The following FGD6 variants were observed in gnomAD, a reference collection of about 807,000 sequenced individuals.
The protein encoded by FGD6 is FYVE, RhoGEF and PH domain containing 6.
Under a neutral mutation model 149.4 loss-of-function variants are expected in FGD6, and 90 were observed. The ratio of observed to expected loss-of-function variants is 0.60; its 90% CI spans 0.51 to 0.72. The LOEUF (loss-of-function observed/expected upper bound fraction) is 0.72. Among genes scored for constraint, FGD6 ranks in the 30% least tolerant of loss-of-function variants. FGD6 has a pLI of 0.00. For synonymous variants in FGD6, 527 were observed against 584.0 expected (o/e 0.90, Z 1.41); for missense variants, 1,437 against 1,684.8 (o/e 0.85, Z 2.57).
chr12:95,216,394 ACT>A (rs775773034), intron 1 of FGD6, among the ~76,000 whole-genome samples: 1 of 152,076 alleles, frequency 6.6e-6, no homozygotes, highest in Non-Finnish European at 1.5e-5. Flanking sequence ...AACCCATAAC[ACT>A]CTACTTAATA....
intron 20 of FGD6, among the ~76,000 whole-genome samples, chr12:95,083,325 T>C (rs961529681): frequency 4.7e-5 from 7 of 150,212 alleles, no homozygotes; most frequent in Non-Finnish European, 1.0e-4. Context: ...CAATTCTAAA[T>C]TATAAGTAAA....
intron 14 of FGD6, chr12:95,101,045 T>C (rs1251604970): frequency 1.1e-5 from 3 of 285,230 alleles, no homozygotes; most frequent in Non-Finnish European, 2.1e-5. Flanking sequence ...AGAATGGAAA[T>C]AGTTATGTTG....
At chr12:95,137,469 G>A in intron 7 of FGD6, 53 bp downstream of exon 7, 3 of 1,385,996 alleles carry the variant, frequency 2.2e-6, no homozygotes, top group Non-Finnish European at 2.8e-6. Flanking sequence ...TGTTATTAAA[G>A]CTTCAACAAC....
intron 2 of FGD6, among the ~76,000 whole-genome samples, chr12:95,205,813 G>A (rs2056689906): frequency 6.6e-6 from 1 of 152,154 alleles, no homozygotes; most frequent in Non-Finnish European, 1.5e-5. Flanking sequence ...GATTCCTCTG[G>A]CACATTTTAG....
chr12:95,192,295 T>C (rs1881612936), intron 2 of FGD6, among the ~76,000 whole-genome samples: 1 of 152,082 alleles, frequency 6.6e-6, no homozygotes, highest in East Asian at 1.9e-4. Context: ...GTTAACAAAA[T>C]GTTATGATAG....
intron 8 of FGD6, among the ~76,000 whole-genome samples, chr12:95,129,645 A>ACT (rs937432091): frequency 5.7e-4 from 87 of 152,120 alleles, no homozygotes; most frequent in Non-Finnish European, 2.9e-5. Context: ...AGCCTGATAA[A>ACT]CTGGCCTTGA....
At position 95,148,673 on chromosome 12, in the gene FGD6, A is replaced by G. The variant is rs1592851834; in HGVS notation, c.2685+4138T>C. 3.6e-5 allele frequency among the ~76,000 whole-genome samples: 4 copies of G among 112,614 alleles called. 1 individual carries two copies. The East Asian group carries it at 9.3e-4, about 26-fold the overall frequency. The allele number at this position is 112,614 out of a possible 152,430, so 73.9% of individuals were successfully genotyped here. A position where few individuals can be genotyped will look rare whatever the true frequency, so the allele number is the denominator to read the frequency against. On this transcript the variant is annotated intron_variant, in intron 5 of 20. Coordinates refer to ENST00000343958, the MANE Select transcript of FGD6 (RefSeq NM_018351.4). ...TATTATATATTATATAATACATAGC[A>G]TATGTTATATTATATATATTATATA...
rs989915390 is a variant in FGD6, at chr12:95,141,447, A to C, written c.2778T>G (p.Pro926=). 1 of 1,614,168 alleles carries C rather than the reference A, an allele frequency of 6.2e-7. No individual in the cohort carries two copies. The highest frequency in any genetic ancestry group is 8.5e-7 in the Non-Finnish European group (1 of 1,180,036). ...GATCCCGGTTGAGCTCATACAGCTG[A>C]GGCAAGTAGTATAGGATCTGATTTA... ...RILNQILYYL[P]QLYELNRDLL... The change falls in exon 6 of 21, where the codon CCT becomes CCG. Residue 926 remains proline (P), a synonymous_variant. Coordinates refer to ENST00000343958, the MANE Select transcript of FGD6 (RefSeq NM_018351.4).
chr12:95,199,362 CACT>C (rs1881808611), intron 2 of FGD6, among the ~76,000 whole-genome samples: 1 of 152,134 alleles, frequency 6.6e-6, no homozygotes, highest in Non-Finnish European at 1.5e-5. Flanking sequence ...GTTAATTTCT[CACT>C]TTTTTCAAAC....
At chr12:95,171,328 C>A (rs1880981165) in intron 3 of FGD6, among the ~76,000 whole-genome samples, 1 of 152,170 alleles carries the variant, frequency 6.6e-6, no homozygotes, top group South Asian at 2.1e-4. Context: ...AATTATGGCA[C>A]ATGAATTTTC....
chr12:95,186,582 G>T (rs1264557668), intron 2 of FGD6, among the ~76,000 whole-genome samples: 3 of 149,032 alleles, frequency 2.0e-5, no homozygotes, highest in Admixed American at 1.3e-4. Flanking sequence ...TGTCCATAAT[G>T]AAGTTTTATT....
intron 18 of FGD6, among the ~76,000 whole-genome samples, chr12:95,088,474 A>C (rs1438092337): frequency 6.6e-6 from 1 of 152,232 alleles, no homozygotes; most frequent in African/African-American, 2.4e-5. Flanking sequence ...TAAAAAGAGG[A>C]GTTTCTAAAA....
intron 6 of FGD6, among the ~76,000 whole-genome samples, chr12:95,139,182 G>T (rs1399564427): frequency 6.6e-6 from 1 of 152,176 alleles, no homozygotes; most frequent in African/African-American, 2.4e-5. Flanking sequence ...GCTCATGCCT[G>T]TAATCCTAGC....
intron 5 of FGD6, among the ~76,000 whole-genome samples, chr12:95,145,601 A>G (rs1000371298): frequency 6.6e-6 from 1 of 152,048 alleles, no homozygotes; most frequent in African/African-American, 2.4e-5. Flanking sequence ...ATAAATTCCC[A>G]CTTGCCCGTA....
At chr12:95,194,570 A>G (rs1881688775) in intron 2 of FGD6, among the ~76,000 whole-genome samples, 1 of 143,270 alleles carries the variant, frequency 7.0e-6, no homozygotes, top group Admixed American at 6.9e-5. Context: ...ACAATCTGAA[A>G]TAGACTAGTG....
intron 3 of FGD6, among the ~76,000 whole-genome samples, chr12:95,163,772 A>T (rs928325485): frequency 2.6e-5 from 4 of 152,204 alleles, no homozygotes; most frequent in Non-Finnish European, 5.9e-5. Context: ...TCCATTGTCC[A>T]TTTTACCTTC....
At chr12:95,213,760 C>T (rs1205779976) in intron 1 of FGD6, among the ~76,000 whole-genome samples, 2 of 152,184 alleles carry the variant, frequency 1.3e-5, no homozygotes, top group East Asian at 1.9e-4. Flanking sequence ...CAATTAACTA[C>T]GTATGTGCTG....
chr12:95,180,549 C>T (rs764700353), intron 2 of FGD6, among the ~76,000 whole-genome samples: 12 of 151,822 alleles, frequency 7.9e-5, no homozygotes, highest in Non-Finnish European at 1.6e-4. Flanking sequence ...CGTGCCACCA[C>T]ACCTGGCTAA....
At chr12:95,145,341 G>A (rs1879980808) in intron 5 of FGD6, among the ~76,000 whole-genome samples, 1 of 152,106 alleles carries the variant, frequency 6.6e-6, no homozygotes, top group African/African-American at 2.4e-5. Context: ...TACTGGTCAG[G>A]TTCCTGAATC....
Sources: gnomAD v4.1 joint callset for allele counts (sites outside exome capture counted in the v4.1 genomes callset) on GRCh38, gnomAD v4.1.1 for gene constraint, MANE v1.5 for transcripts, NCBI Gene and HGNC (gene_info 2026-07-23, HGNC 2026-07-21) for gene names.